The following TXNRD2 variants were observed in gnomAD, a reference collection of about 807,000 sequenced individuals.
TXNRD2 encodes thioredoxin reductase 2, mitochondrial.
Under a neutral mutation model 70.8 loss-of-function variants are expected in TXNRD2, and 67 were observed. That is an observed-to-expected ratio of 0.95 (90% CI 0.78 to 1.16). The LOEUF is 1.16. TXNRD2 is among the 50% of genes most tolerant of loss of function. TXNRD2 has a pLI of 0.00. For missense variants in TXNRD2, 644 were observed against 719.9 expected, an observed-to-expected ratio of 0.89 and a Z score of 1.21; for synonymous variants, 301 against 295.8, an observed-to-expected ratio of 1.02 and a Z score of -0.18.
Position 19,908,479 on chromosome 22 carries a change from A to C in TXNRD2, c.662+2898T>G, listed in dbSNP as rs559308651. On this transcript the variant is annotated intron_variant, in intron 8 of 17. Transcript: ENST00000400521. ...TAAAGGAAAAAATAAAAATTAAAGA[A>C]AGAAAAACAGAAAACAACATGCACT... Among the ~76,000 whole-genome samples, 8 of 152,232 alleles carry C rather than the reference A, an allele frequency of 5.3e-5. No individual in the cohort carries two copies. The South Asian group carries it at 1.5e-3, about 28-fold the overall frequency.
intron 11 of TXNRD2, among the ~76,000 whole-genome samples, chr22:19,885,046 C>G (rs1938961201): frequency 6.6e-6 from 1 of 152,132 alleles, no homozygotes; most frequent in Admixed American, 6.5e-5. Context: ...TCCAGGGGGT[C>G]AGCACAGCTG....
chr22:19,924,248 A>C (rs988265349), intron 2 of TXNRD2, among the ~76,000 whole-genome samples: 1 of 152,068 alleles, frequency 6.6e-6, no homozygotes, highest in Non-Finnish European at 1.5e-5. Context: ...TCCACCAAGA[A>C]GGCCACAACC....
Position 19,919,006 on chromosome 22 carries a change from T to C in TXNRD2, c.230-2A>G, listed in dbSNP as rs1354650556. 4 of 1,607,754 alleles carry C rather than the reference T, an allele frequency of 2.5e-6. No individual in the cohort carries two copies. The highest frequency in any genetic ancestry group is 1.3e-5 in the African/African-American group (1 of 74,614). On this transcript the variant is annotated splice_acceptor_variant, in intron 3 of 17. Transcript: ENST00000400521. LOFTEE classifies it high-confidence loss of function. ...TGCCGCCGAGGCCCCACCGGGTGCC[T>C]GGGACGTGGGAAGAGCACATTTGAA...
intron 17 of TXNRD2, 89 bp downstream of exon 17, chr22:19,876,951 G>A: frequency 1.1e-6 from 1 of 919,954 alleles, no homozygotes; most frequent in Non-Finnish European, 1.5e-6. Context: ...GTGTAGCCTT[G>A]CTGTACACCT....
At chr22:19,931,392 A>G (rs1471413384) in intron 1 of TXNRD2, among the ~76,000 whole-genome samples, 1 of 152,180 alleles carries the variant, frequency 6.6e-6, no homozygotes, top group African/African-American at 2.4e-5. Flanking sequence ...ACACAGAACT[A>G]AGATATTTTC....
At chr22:19,890,239 G>C (rs921176658) in intron 11 of TXNRD2, among the ~76,000 whole-genome samples, 1 of 152,196 alleles carries the variant, frequency 6.6e-6, no homozygotes, top group Non-Finnish European at 1.5e-5. Context: ...CGCAGCCACC[G>C]CTCATAGGAA....
Position 19,883,342 on chromosome 22 carries a change from T to G in TXNRD2, c.1069A>C (p.Ile357Leu). The G allele has an allele frequency of 1.2e-6, 2 of 1,613,854 alleles. No individual in the cohort carries two copies. The highest frequency in any genetic ancestry group is 1.7e-6 in the Non-Finnish European group (2 of 1,179,984). ...TGCCGTACCTCCACCACGTCACCAA[T>G]GGCGTAGATGTGGGGCACAGAGGTG... ...EATSVPHIYAIGDVVEGRPEL... is the reference protein window; with the variant it reads ...EATSVPHIYALGDVVEGRPEL... The change falls in exon 12 of 18, where the codon ATT becomes CTT. Residue 357 changes from isoleucine to leucine, a missense_variant. Transcript: ENST00000400521.
intron 1 of TXNRD2, among the ~76,000 whole-genome samples, chr22:19,936,492 A>T (rs1326705967): frequency 1.3e-5 from 2 of 151,710 alleles, no homozygotes; most frequent in African/African-American, 4.8e-5. Context: ...CCCTCTCCAA[A>T]CCTTTACAGT....
At position 19,877,086 on chromosome 22, in the gene TXNRD2, T is replaced by C; in HGVS notation, c.*19A>G. 1 of 1,587,552 alleles carries C rather than the reference T, an allele frequency of 6.3e-7. No homozygotes were observed. Among genetic ancestry groups the C allele is most frequent in the Non-Finnish European group, 8.6e-7 (1 of 1,159,866 alleles). On this transcript the variant is annotated 3_prime_UTR_variant, in exon 17 of 18. Coordinates refer to ENST00000400521, the MANE Select transcript of TXNRD2 (RefSeq NM_006440.5). ...CTGGCGGCGGGCGCACCGTGTGCCCTGGCCTGCAGGGATGGCGCTTACCCT... is the reference window on the plus strand; with the variant it reads ...CTGGCGGCGGGCGCACCGTGTGCCCCGGCCTGCAGGGATGGCGCTTACCCT...
rs934464194 is a variant in TXNRD2 at position 19,922,319 on chromosome 22, A to G, written c.173-2720T>C. 1.6e-4 allele frequency among the ~76,000 whole-genome samples: 24 copies of G among 151,950 alleles called. 1 individual carries two copies. The highest frequency in any genetic ancestry group is 4.2e-4 in the South Asian group (2 of 4,802). On this transcript the variant is annotated intron_variant, in intron 2 of 17. Transcript: ENST00000400521. The stretch of plus-strand genomic sequence containing the variant: ...TTGTGTGCCCTAACTCCACCTTATC[A>G]CATATGATGAACTATCTGTTCATGT...
chr22:19,912,187 A>T (rs1442019668), intron 7 of TXNRD2, among the ~76,000 whole-genome samples: 2 of 152,222 alleles, frequency 1.3e-5, no homozygotes, highest in Non-Finnish European at 2.9e-5. Context: ...CTTAGCGGCC[A>T]TGAGAACAAG....
chr22:19,892,535 G>A (rs1173797602), intron 11 of TXNRD2, among the ~76,000 whole-genome samples: 1 of 152,268 alleles, frequency 6.6e-6, no homozygotes, highest in Admixed American at 6.5e-5. Context: ...GCAGGCCACG[G>A]CAGCTCTGCT....
chr22:19,925,220 C>G (rs183942451), intron 2 of TXNRD2, among the ~76,000 whole-genome samples: 2 of 151,790 alleles, frequency 1.3e-5, no homozygotes, highest in African/African-American at 2.4e-5. Context: ...GGAGGCAGAG[C>G]TTGCAGTGAG....
chr22:19,898,173 G>T, intron 9 of TXNRD2, 43 bp from the exon 10 acceptor site: 3 of 1,523,736 alleles, frequency 2.0e-6, no homozygotes, highest in Non-Finnish European at 2.7e-6. Flanking sequence ...CCCAATTTTG[G>T]AAATGATGGG....
chr22:19,888,137 G>A (rs1283837869), intron 11 of TXNRD2, among the ~76,000 whole-genome samples: 3 of 152,244 alleles, frequency 2.0e-5, no homozygotes, highest in Non-Finnish European at 4.4e-5. Flanking sequence ...GCCCGGAGCT[G>A]CCTCCAGCCC....
intron 12 of TXNRD2, 134 bp downstream of exon 12, chr22:19,883,191 G>T: frequency 8.5e-7 from 1 of 1,177,690 alleles, no homozygotes; most frequent in Non-Finnish European, 1.2e-6. Flanking sequence ...CTGGCCCTGG[G>T]GTTTGGCCCA....
At chr22:19,929,220 G>A (rs1242915247) in intron 2 of TXNRD2, among the ~76,000 whole-genome samples, 3 of 151,048 alleles carry the variant, frequency 2.0e-5, no homozygotes, top group Non-Finnish European at 4.4e-5. Flanking sequence ...CCAGCTACTC[G>A]GGAGGCTGAG....
At chr22:19,927,281 C>T (rs926652706) in intron 2 of TXNRD2, among the ~76,000 whole-genome samples, 1 of 151,466 alleles carries the variant, frequency 6.6e-6, no homozygotes, top group African/African-American at 2.4e-5. Flanking sequence ...GTGACAAGAG[C>T]GAAACTCGGT....
intron 8 of TXNRD2, among the ~76,000 whole-genome samples, chr22:19,906,076 C>A (rs1157059097): frequency 6.6e-6 from 1 of 151,940 alleles, no homozygotes; most frequent in African/African-American, 2.4e-5. Context: ...AAAATCTGCA[C>A]CACAAGCGAC....
Sources: allele counts gnomAD v4.1 joint callset (sites outside exome capture counted in the v4.1 genomes callset), GRCh38; gene constraint gnomAD v4.1.1; transcripts MANE v1.5; gene names NCBI Gene and HGNC (gene_info 2026-07-23, HGNC 2026-07-21).